Variants in SYNE2 observed in about 807,000 individuals in gnomAD.
SYNE2 encodes nesprin-2.
In SYNE2, 431 loss-of-function variants were observed where a neutral mutation model predicts 856.3. That is an observed-to-expected ratio of 0.50 (90% CI 0.47 to 0.55). The LOEUF is 0.55. SYNE2 is among the 20% of genes least tolerant of loss of function. The pLI is 0.00. For synonymous variants in SYNE2, 2,923 were observed against 2,872.3 expected, an observed-to-expected ratio of 1.02 and a Z score of -0.56; for missense variants, 8,129 against 8,023.2, an observed-to-expected ratio of 1.01 and a Z score of -0.50.
chr14:63,815,183 T>TATATATACAC (rs1888901776), intron 1 of SYNE2, among the ~76,000 whole-genome samples: 1 of 56,614 alleles, frequency 1.8e-5, no homozygotes, highest in South Asian at 3.9e-4. Context: ...TATATATCCA[T>TATATATACAC]ATATATATCC....
In SYNE2 at chr14:64,180,036, G is replaced by T. The variant is rs570967808; in HGVS notation, c.17556+2553G>T. 1.6e-4 allele frequency among the ~76,000 whole-genome samples: 24 copies of T among 152,156 alleles called. No homozygotes were observed. In the South Asian group the frequency reaches 4.6e-3, roughly 29 times the overall value. On this transcript the variant is annotated intron_variant, in intron 96 of 115. Transcript: ENST00000555002. ...CACATTCACATCTTTATTCATTGAG[G>T]AATTGATTTTTGCATACGTTTTAAG...
chr14:63,781,102 C>A (rs1595103746), intron 1 of SYNE2, among the ~76,000 whole-genome samples: 1 of 152,098 alleles, frequency 6.6e-6, no homozygotes, highest in East Asian at 1.9e-4. Flanking sequence ...CATGGAGAAA[C>A]CTTGTCTCTA....
chr14:63,911,360 A>G (rs2095471340), intron 2 of SYNE2, among the ~76,000 whole-genome samples: 1 of 152,192 alleles, frequency 6.6e-6, no homozygotes, highest in Admixed American at 6.5e-5. Context: ...CTCCCGTAGT[A>G]TCTCTTTGAG....
chr14:64,141,906 G>T (rs753683623), intron 81 of SYNE2, 36 bp from the exon 82 acceptor site: 2 of 1,605,316 alleles, frequency 1.2e-6, no homozygotes, highest in Non-Finnish European at 1.7e-6. Context: ...TTTGTTAACT[G>T]CAGGCAATTA....
chr14:63,818,761 C>T (rs891466150), intron 1 of SYNE2, among the ~76,000 whole-genome samples: 13 of 144,724 alleles, frequency 9.0e-5, no homozygotes, highest in East Asian at 2.0e-4. Flanking sequence ...TGCAGTGGCT[C>T]GATCTCGGCT....
chr14:63,935,512 G>A (rs1455778283), intron 2 of SYNE2, among the ~76,000 whole-genome samples: 1 of 152,136 alleles, frequency 6.6e-6, no homozygotes, highest in East Asian at 1.9e-4. Flanking sequence ...TAAATTAGAT[G>A]TCATACTTTT....
At chr14:63,852,482 C>T (rs1199245605), upstream of SYNE2, among the ~76,000 whole-genome samples, 1 of 152,170 alleles carries the variant, frequency 6.6e-6, no homozygotes, top group Admixed American at 6.5e-5. Context: ...CATTAACAAA[C>T]GCCTCCCCTT....
intron 76 of SYNE2, 128 bp downstream of exon 76, chr14:64,130,376 A>C: frequency 1.1e-6 from 1 of 871,710 alleles, no homozygotes. Flanking sequence ...TTTAATAAAC[A>C]TCTATTAGAA....
chr14:64,142,012 A>G lies in SYNE2; in HGVS notation c.15230A>G (p.His5077Arg), dbSNP rs1390556017. The G allele has an allele frequency of 1.2e-6, 2 of 1,614,188 alleles. No homozygotes were observed. The highest frequency in any genetic ancestry group is 8.5e-7 in the Non-Finnish European group (1 of 1,180,024). ...ATTAGCTGGATGAACAATGTGGAGC[A>G]TCAAACTTCAGATGAAGACTCCGTG... ...EMISWMNNVE[H>R]QTSDEDSVHS... The change falls in exon 82 of 116, where the codon CAT becomes CGT. Residue 5077 changes from histidine (H) to arginine (R), a missense_variant. Physicochemically the swap from His to Arg is conservative, Grantham distance 29 (BLOSUM62 0). Coordinates refer to ENST00000555002, the MANE Select transcript of SYNE2 (RefSeq NM_182914.3).
rs539579173 is a variant in SYNE2 at position 63,968,713 on chromosome 14, G to T, written c.1128+867G>T. ...AAAATTCAATTTTTAATTTTTATGG[G>T]TACATAGTAGGTGTATATATTTATG... On this transcript the variant is annotated intron_variant, in intron 11 of 115. Coordinates refer to ENST00000555002, the MANE Select transcript of SYNE2 (RefSeq NM_182914.3). Among the ~76,000 whole-genome samples the T allele has an allele frequency of 9.2e-5, 14 of 152,182 alleles. No individual in the cohort carries two copies. The South Asian group carries it at 2.9e-3, about 32-fold the overall frequency.
chr14:63,883,862 A>ATT (rs34392423), intron 1 of SYNE2, among the ~76,000 whole-genome samples: 3,222 of 130,424 alleles, frequency 0.025, 74 homozygotes, highest in Admixed American at 0.034. Context: ...AAGCTGGTGA[A>ATT]TTTTTTTTTT....
At chr14:64,214,518 G>C in intron 106 of SYNE2, 48 bp downstream of exon 106, 1 of 1,556,928 alleles carries the variant, frequency 6.4e-7, no homozygotes, top group Non-Finnish European at 8.7e-7. Flanking sequence ...GTTTGGCTAT[G>C]TTTTTAGCCC....
intron 45 of SYNE2, among the ~76,000 whole-genome samples, chr14:64,043,844 C>T (rs2097166878): frequency 6.6e-6 from 1 of 152,234 alleles, no homozygotes; most frequent in African/African-American, 2.4e-5. Context: ...GGGATCAGAG[C>T]CCCCACACAG....
In SYNE2 at chr14:64,168,923, A is replaced by G. The variant is rs749207196; in HGVS notation, c.16952A>G (p.Tyr5651Cys). 5.3e-5 allele frequency: 86 copies of G among 1,614,010 alleles called. 1 individual carries two copies. The highest frequency in any genetic ancestry group is 6.7e-5 in the African/African-American group (5 of 74,922). The change falls in exon 93 of 116, where the codon TAT (tyrosine) becomes TGT (cysteine). Residue 5651 changes from tyrosine (Y) to cysteine (C), a missense_variant. Tyr to Cys is a radical substitution (Grantham distance 194). This residue lies in a region of SYNE2 where 5,410 missense variants were observed against 5,284.8 expected (regional missense o/e 1.02). Transcript: ENST00000555002. ...ATAAACCAGACAATTGCTGATTCCT[A>G]TGTCACCCAGTCCTTACAACTCCTG... ...VSINQTIADS[Y>C]VTQSLQLLDT...
chr14:64,132,474 G>A (rs778499990), intron 77 of SYNE2, 36 bp downstream of exon 77: 2 of 1,613,464 alleles, frequency 1.2e-6, no homozygotes, highest in Non-Finnish European at 1.7e-6. Flanking sequence ...CTGAAGCTGG[G>A]AATTGCTGAT....
intron 52 of SYNE2, among the ~76,000 whole-genome samples, chr14:64,072,781 G>A (rs571114447): frequency 1.8e-4 from 27 of 152,304 alleles, no homozygotes; most frequent in Admixed American, 1.1e-3. Flanking sequence ...GATTACAGGC[G>A]TGAGCCACTG....
In SYNE2 at chr14:64,209,359, G is replaced by A; in HGVS notation, c.18390-69G>A. On this transcript the variant is annotated intron_variant, in intron 101 of 115. Transcript: ENST00000555002. Reference sequence around the variant, plus strand: ...CCCACTAAACCGTGCGGGTGTCAGGGGATAAAAGAAGTGCAAAAGCACAGG... The same window carrying A: ...CCCACTAAACCGTGCGGGTGTCAGGAGATAAAAGAAGTGCAAAAGCACAGG... 2.5e-6 allele frequency: 4 copies of A among 1,612,990 alleles called. No homozygotes were observed. In the South Asian group the frequency reaches 4.4e-5, roughly 18 times the overall value.
intron 1 of SYNE2, among the ~76,000 whole-genome samples, chr14:63,839,728 A>T (rs1889983709): frequency 6.6e-6 from 1 of 152,136 alleles, no homozygotes; most frequent in South Asian, 2.1e-4. Flanking sequence ...AGATAAATAA[A>T]GATTTTAAAA....
At chr14:63,805,622 G>T (rs185571058) in intron 1 of SYNE2, among the ~76,000 whole-genome samples, 1 of 131,682 alleles carries the variant, frequency 7.6e-6, no homozygotes, top group Non-Finnish European at 1.7e-5. Context: ...TGATCCGCCC[G>T]CCTCGGCCTT....
Sources: gnomAD v4.1 joint callset for allele counts (sites outside exome capture counted in the v4.1 genomes callset) on GRCh38, gnomAD v4.1.1 for gene constraint, gnomAD v4.1.1 regional missense constraint, MANE v1.5 for transcripts, NCBI Gene and HGNC (gene_info 2026-07-23, HGNC 2026-07-21) for gene names.